CENPP: variants seen among roughly 807,000 people sequenced by gnomAD.
The protein encoded by CENPP is centromere protein P.
CENPP carries 24 observed loss-of-function variants against 35.6 expected under a neutral mutation model. That is an observed-to-expected ratio of 0.67 (90% CI 0.49 to 0.95). The LOEUF is 0.95. Among genes scored for constraint, CENPP ranks in the 40% least tolerant of loss-of-function variants. The pLI is 0.00. For synonymous variants in CENPP, 120 were observed against 125.5 expected (o/e 0.96, Z 0.29); for missense variants, 332 against 345.3 (o/e 0.96, Z 0.31).
chr9:92,328,111 TG>T (rs1261789420), intron 1 of CENPP, among the ~76,000 whole-genome samples: 2 of 152,044 alleles, frequency 1.3e-5, no homozygotes, highest in African/African-American at 2.4e-5. Flanking sequence ...CAGGTGATTG[TG>T]GGGGTGGGGT....
intron 5 of CENPP, among the ~76,000 whole-genome samples, chr9:92,452,467 T>C (rs1018809526): frequency 1.3e-5 from 2 of 152,220 alleles, no homozygotes; most frequent in Non-Finnish European, 2.9e-5. Flanking sequence ...TCATGGTAGA[T>C]AAGCTTTTTG....
At chr9:92,467,745 C>G (rs1053641470) in intron 5 of CENPP, among the ~76,000 whole-genome samples, 2 of 152,124 alleles carry the variant, frequency 1.3e-5, no homozygotes, top group African/African-American at 4.8e-5. Context: ...CACTCTTGGC[C>G]CTTTGTGCTT....
intron 5 of CENPP, among the ~76,000 whole-genome samples, chr9:92,549,413 G>A (rs954805631): frequency 6.6e-6 from 1 of 152,120 alleles, no homozygotes; most frequent in East Asian, 1.9e-4. Flanking sequence ...TTGGGAGGCC[G>A]AGACGGGTGG....
chr9:92,544,242 GA>G (rs1210932715), intron 5 of CENPP, among the ~76,000 whole-genome samples: 1 of 152,226 alleles, frequency 6.6e-6, no homozygotes, highest in African/African-American at 2.4e-5. Flanking sequence ...TTGGGAGGCT[GA>G]GGCACGTGGA....
rs41278707 is a variant in CENPP at position 92,510,015 on chromosome 9, C to T, written c.565-101299C>T. ...CAAATTATTTCCATCCATATTCAAA[C>T]GCATTAACTTCTTCAGAAGCTTAAA... On this transcript the variant is annotated intron_variant, in intron 5 of 7. Coordinates refer to ENST00000375587, the MANE Select transcript of CENPP (RefSeq NM_001012267.3). The T allele has an allele frequency of 2.9e-3, 4,643 of 1,601,322 alleles. 16 individuals are homozygous for T. The highest frequency in any genetic ancestry group is 0.014 in the African/African-American group (1,005 of 74,118).
rs530888622 is a variant in CENPP, at chr9:92,563,246, C to T, written c.565-48068C>T. ...ATCCCTGACTTAAATATCATGCCTTCCAAGAAGCATTCTCCAGCTTCACGG... is the reference window on the plus strand; with the variant it reads ...ATCCCTGACTTAAATATCATGCCTTTCAAGAAGCATTCTCCAGCTTCACGG... On this transcript the variant is annotated intron_variant, in intron 5 of 7. Transcript: ENST00000375587. Among the ~76,000 whole-genome samples the T allele has an allele frequency of 2.4e-3, 371 of 152,296 alleles. 4 individuals are homozygous for T. The highest frequency in any genetic ancestry group is 1.1e-3 in the Non-Finnish European group (73 of 68,030).
chr9:92,507,884 G>A (rs896834712), intron 5 of CENPP, among the ~76,000 whole-genome samples: 2 of 152,152 alleles, frequency 1.3e-5, no homozygotes, highest in Admixed American at 6.5e-5. Flanking sequence ...CTTCAGCAAG[G>A]TGTGTGCAGC....
intron 5 of CENPP, chr9:92,456,416 G>T (rs1246115515): frequency 6.6e-6 from 1 of 152,528 alleles, no homozygotes; most frequent in African/African-American, 2.4e-5. Context: ...ACAATTTGGT[G>T]TAGAATTGTT....
At chr9:92,504,959 A>T (rs1846909219) in intron 5 of CENPP, among the ~76,000 whole-genome samples, 1 of 152,182 alleles carries the variant, frequency 6.6e-6, no homozygotes. Context: ...TCTCTAGAGG[A>T]TAATGAAGCA....
intron 5 of CENPP, among the ~76,000 whole-genome samples, chr9:92,388,569 G>C (rs1386273232): frequency 6.6e-6 from 1 of 151,458 alleles, no homozygotes; most frequent in Non-Finnish European, 1.5e-5. Context: ...GGCCAGGCAC[G>C]GTGGCTTACG....
chr9:92,551,030 A>T (rs1849576010), intron 5 of CENPP, among the ~76,000 whole-genome samples: 1 of 152,186 alleles, frequency 6.6e-6, no homozygotes, highest in African/African-American at 2.4e-5. Context: ...AGGAATGCAT[A>T]AGCCCTGGAA....
chr9:92,353,506 G>C (rs1841516558), intron 4 of CENPP, among the ~76,000 whole-genome samples: 1 of 152,180 alleles, frequency 6.6e-6, no homozygotes, highest in African/African-American at 2.4e-5. Flanking sequence ...GCTATTCCAT[G>C]CATATTCTTC....
intron 5 of CENPP, among the ~76,000 whole-genome samples, chr9:92,467,459 T>C (rs933367682): frequency 6.6e-6 from 1 of 152,260 alleles, no homozygotes; most frequent in African/African-American, 2.4e-5. Context: ...TGCCAGATTG[T>C]TCAAAGAGAA....
At chr9:92,378,339 G>C (rs1842169554) in intron 4 of CENPP, among the ~76,000 whole-genome samples, 1 of 152,146 alleles carries the variant, frequency 6.6e-6, no homozygotes, top group Non-Finnish European at 1.5e-5. Context: ...CCGTTGGTTA[G>C]AGGGAATGGT....
intron 5 of CENPP, chr9:92,474,475 G>T: frequency 2.7e-6 from 3 of 1,103,708 alleles, no homozygotes; most frequent in Admixed American, 3.5e-5. Flanking sequence ...ATGTACTTTG[G>T]GGTTTGCTGT....
At chr9:92,355,605 C>G (rs1409612118) in intron 4 of CENPP, among the ~76,000 whole-genome samples, 2 of 152,130 alleles carry the variant, frequency 1.3e-5, no homozygotes, top group African/African-American at 2.4e-5. Flanking sequence ...GAGTCTATAG[C>G]ACAAGAAATG....
chr9:92,402,950 A>G (rs1564301925), intron 5 of CENPP, among the ~76,000 whole-genome samples: 1 of 152,204 alleles, frequency 6.6e-6, no homozygotes, highest in African/African-American at 2.4e-5. Flanking sequence ...TACTTAATAT[A>G]TAAATTGCAA....
At chr9:92,452,438 A>G (rs1260212903) in intron 5 of CENPP, among the ~76,000 whole-genome samples, 1 of 152,200 alleles carries the variant, frequency 6.6e-6, no homozygotes, top group Non-Finnish European at 1.5e-5. Context: ...CTTGCATCCC[A>G]GGGATGAAGC....
chr9:92,408,343 G>A (rs769679883), intron 5 of CENPP, among the ~76,000 whole-genome samples: 12 of 152,038 alleles, frequency 7.9e-5, no homozygotes, highest in African/African-American at 4.8e-5. Context: ...GCGCCACCAC[G>A]CCCAGCTAAT....
Sources: allele counts gnomAD v4.1 joint callset (sites outside exome capture counted in the v4.1 genomes callset), GRCh38; gene constraint gnomAD v4.1.1; transcripts MANE v1.5; gene names NCBI Gene and HGNC (gene_info 2026-07-23, HGNC 2026-07-21).